The following PPP1R12A variants were observed in gnomAD, a reference collection of about 807,000 sequenced individuals.
The protein encoded by PPP1R12A is protein phosphatase 1 regulatory subunit 12A.
Under a neutral mutation model 139.6 loss-of-function variants are expected in PPP1R12A, and 19 were observed. The ratio of observed to expected loss-of-function variants is 0.14; its 90% CI spans 0.09 to 0.20. PPP1R12A has a LOEUF of 0.20. PPP1R12A is among the 10% of genes least tolerant of loss of function. The pLI is 1.00. For missense variants in PPP1R12A, 925 were observed against 1,211.5 expected (o/e 0.76, Z 3.51); for synonymous variants, 427 against 420.6 (o/e 1.02, Z -0.19).
intron 1 of PPP1R12A, among the ~76,000 whole-genome samples, chr12:79,879,197 C>T (rs543053681): frequency 2.6e-5 from 4 of 151,874 alleles, no homozygotes; most frequent in African/African-American, 4.8e-5. Flanking sequence ...CTGGCCAACA[C>T]GGCAAAACCC....
At chr12:79,903,030 T>C (rs1196247281) in intron 1 of PPP1R12A, among the ~76,000 whole-genome samples, 1 of 152,012 alleles carries the variant, frequency 6.6e-6, no homozygotes, top group Non-Finnish European at 1.5e-5. Flanking sequence ...CAGTAGCATA[T>C]AAATTCAGTC....
intron 3 of PPP1R12A, among the ~76,000 whole-genome samples, chr12:79,842,994 T>G (rs1878920894): frequency 6.6e-6 from 1 of 152,188 alleles, no homozygotes; most frequent in Non-Finnish European, 1.5e-5. Flanking sequence ...CATTCTATTT[T>G]CTCTATGAAT....
chr12:79,887,295 G>A (rs1884194771), intron 1 of PPP1R12A, among the ~76,000 whole-genome samples: 1 of 151,228 alleles, frequency 6.6e-6, no homozygotes, highest in Non-Finnish European at 1.5e-5. Context: ...AGTATTTTAT[G>A]TATTTCCACT....
intron 2 of PPP1R12A, among the ~76,000 whole-genome samples, chr12:79,848,217 G>A (rs984036694): frequency 2.0e-5 from 3 of 152,082 alleles, no homozygotes; most frequent in African/African-American, 7.2e-5. Context: ...TTTTGAAAAT[G>A]TATATAAAAC....
chr12:79,899,236 ATATATATAT>A (rs1885413607), intron 1 of PPP1R12A, among the ~76,000 whole-genome samples: 1 of 3,618 alleles, frequency 2.8e-4, no homozygotes, highest in African/African-American at 3.3e-4. Flanking sequence ...TCTTAAAAAT[ATATATATAT>A]ATATATATAT....
At chr12:79,908,818 C>T (rs574703201) in intron 1 of PPP1R12A, among the ~76,000 whole-genome samples, 2 of 152,238 alleles carry the variant, frequency 1.3e-5, no homozygotes, top group African/African-American at 2.4e-5. Context: ...CATATGCCTA[C>T]AGGATTCTCA....
At position 79,775,158 on chromosome 12, in the gene PPP1R12A, T is replaced by C. The variant is rs1310643613; in HGVS notation, c.*771A>G. ...AATGTGAAGATTACAGAATCTAACATCTTATACTACAATAAAAAAAAAGTG... is the reference window on the plus strand; with the variant it reads ...AATGTGAAGATTACAGAATCTAACACCTTATACTACAATAAAAAAAAAGTG... On this transcript the variant is annotated 3_prime_UTR_variant, in exon 25 of 25. Coordinates refer to ENST00000450142, the MANE Select transcript of PPP1R12A (RefSeq NM_002480.3). 1 of 152,464 alleles carries C rather than the reference T, an allele frequency of 6.6e-6. No individual in the cohort carries two copies. The highest frequency in any genetic ancestry group is 1.5e-5 in the Non-Finnish European group (1 of 67,970). 9.4% of individuals were successfully genotyped at this position (152,464 alleles called of 1,614,324 possible).
chr12:79,850,814 G>C (rs3896181), intron 2 of PPP1R12A, among the ~76,000 whole-genome samples: 139,156 of 152,088 alleles, frequency 0.91, 63,962 homozygotes, highest in Middle Eastern at 0.95. Flanking sequence ...TGAAAGTGTG[G>C]AGCACCTCCC....
intron 5 of PPP1R12A, among the ~76,000 whole-genome samples, chr12:79,827,370 C>G (rs1192212001): frequency 6.6e-6 from 1 of 152,040 alleles, no homozygotes. Context: ...ACTCCAAAAA[C>G]AGCAAAAGAA....
Position 79,878,051 on chromosome 12 carries a change from T to G in PPP1R12A, c.238-5113A>C, listed in dbSNP as rs143225375. On this transcript the variant is annotated intron_variant, in intron 1 of 24. Transcript: ENST00000450142. ...CCACAATATATTAAGAAGGTTTTTT[T>G]TTTGTTTGTTTTGTTTTTTAAGCCT... Among the ~76,000 whole-genome samples the G allele has an allele frequency of 3.1e-3, 468 of 152,246 alleles. 1 individual carries two copies. The highest frequency in any genetic ancestry group is 6.8e-3 in the Middle Eastern group (2 of 294).
chr12:79,806,970 G>T (rs1873915452), intron 12 of PPP1R12A: 1 of 267,604 alleles, frequency 3.7e-6, no homozygotes. Flanking sequence ...TCCTTCTAAA[G>T]GAGTTCCTTT....
Position 79,809,909 on chromosome 12 carries a change from A to G in PPP1R12A, c.1341T>C (p.Gly447=). The change falls in exon 10 of 25, where the codon GGT becomes GGC. Residue 447 remains glycine (G), a synonymous_variant. Coordinates refer to ENST00000450142, the MANE Select transcript of PPP1R12A (RefSeq NM_002480.3). The part of the protein sequence containing the change: ...RLGLRKTGSY[G]ALAEITASKE... ...TAGATGCTGTGATTTCAGCAAGTGC[A>G]CCATAGCTGCCCGTCTTTCTAAGTC... The G allele has an allele frequency of 6.2e-7, 1 of 1,613,576 alleles. No individual in the cohort carries two copies. Among genetic ancestry groups the G allele is most frequent in the African/African-American group, 1.3e-5 (1 of 75,044 alleles).
At chr12:79,788,602 C>T (rs1234644431) in intron 21 of PPP1R12A, 46 bp downstream of exon 21, 2 of 1,493,620 alleles carry the variant, frequency 1.3e-6, no homozygotes, top group East Asian at 2.3e-5. Flanking sequence ...AGTATCTCAA[C>T]ATAAAAGATA....
At chr12:79,874,119 T>A (rs897965420) in intron 1 of PPP1R12A, among the ~76,000 whole-genome samples, 6 of 151,790 alleles carry the variant, frequency 4.0e-5, no homozygotes, top group Non-Finnish European at 8.8e-5. Flanking sequence ...CTATTAAAAG[T>A]ACAAAAATTA....
At chr12:79,838,881 C>T (rs572067277) in intron 3 of PPP1R12A, among the ~76,000 whole-genome samples, 150 of 152,292 alleles carry the variant, frequency 9.8e-4, no homozygotes, top group African/African-American at 3.5e-3. Flanking sequence ...GTCAGAGACC[C>T]CACACAGAAT....
chr12:79,877,957 T>A (rs1302010603), intron 1 of PPP1R12A, among the ~76,000 whole-genome samples: 1 of 152,308 alleles, frequency 6.6e-6, no homozygotes, highest in East Asian at 1.9e-4. Context: ...ATATGATTAT[T>A]CTTTTAAACC....
intron 14 of PPP1R12A, among the ~76,000 whole-genome samples, chr12:79,800,984 C>A (rs1320348807): frequency 6.6e-6 from 1 of 151,720 alleles, no homozygotes; most frequent in African/African-American, 2.4e-5. Context: ...CCGCCCACCT[C>A]AGCCTCCCAA....
At chr12:79,919,493 T>C (rs1229179190) in intron 1 of PPP1R12A, among the ~76,000 whole-genome samples, 5 of 150,040 alleles carry the variant, frequency 3.3e-5, no homozygotes, top group Non-Finnish European at 5.9e-5. Context: ...AGGTGGAAGT[T>C]GCAGTGAGCT....
intron 6 of PPP1R12A, 138 bp from the exon 7 acceptor site, chr12:79,821,304 A>G: frequency 1.6e-6 from 1 of 611,284 alleles, no homozygotes; most frequent in Non-Finnish European, 2.8e-6. Context: ...ATTAAGTTTT[A>G]CCTGAAAAGG....
Sources: allele counts gnomAD v4.1 joint callset (sites outside exome capture counted in the v4.1 genomes callset), GRCh38; gene constraint gnomAD v4.1.1; transcripts MANE v1.5; gene names NCBI Gene and HGNC (gene_info 2026-07-23, HGNC 2026-07-21).